CDKN2AIP: variants seen among roughly 807,000 people sequenced by gnomAD.
CDKN2AIP encodes CDKN2A interacting protein.
In CDKN2AIP, 12 loss-of-function variants were observed where a neutral mutation model predicts 44.1. That is an observed-to-expected ratio of 0.27 (90% confidence interval 0.17 to 0.44). CDKN2AIP has a LOEUF of 0.44. CDKN2AIP is among the 20% of genes least tolerant of loss of function. The pLI is 1.00. For missense variants in CDKN2AIP, 705 were observed against 681.6 expected (o/e 1.03, Z -0.38); for synonymous variants, 291 against 272.1 (o/e 1.07, Z -0.68).
intron 1 of CDKN2AIP, 191 bp downstream of exon 1, chr4:183,445,260 C>CTG: frequency 1.4e-6 from 1 of 705,142 alleles, no homozygotes; most frequent in Non-Finnish European, 2.3e-6. Context: ...TCCCGGACGT[C>CTG]TGTGTGCCCG....
Position 183,447,521 on chromosome 4 carries a change from A to G in CDKN2AIP, c.*94A>G. 1.1e-6 allele frequency: 1 copy of G among 906,026 alleles called. No individual in the cohort carries two copies. Among genetic ancestry groups the G allele is most frequent in the Non-Finnish European group, 1.6e-6 (1 of 608,346 alleles). 56.1% of individuals were successfully genotyped at this position (906,026 alleles called of 1,614,324 possible). A position where few individuals can be genotyped will look rare whatever the true frequency, so the allele number is the denominator to read the frequency against. On this transcript the variant is annotated 3_prime_UTR_variant, in exon 3 of 3. Coordinates refer to ENST00000504169, the MANE Select transcript of CDKN2AIP (RefSeq NM_017632.4). ...AAACACAGGCTTTCACAAATTTTGT[A>G]TTGCTTTTTTTCCAGTTTTGCAGAA...
chr4:183,445,205 C>T, intron 1 of CDKN2AIP, 136 bp downstream of exon 1: 1 of 1,123,690 alleles, frequency 8.9e-7, no homozygotes, highest in Non-Finnish European at 1.2e-6. Flanking sequence ...GGCCCGGCTG[C>T]CCTCTAAGGG....
rs145782483 is a variant in CDKN2AIP at position 183,446,487 on chromosome 4, C to T, written c.803C>T (p.Ser268Leu). 1.5e-5 allele frequency: 24 copies of T among 1,613,262 alleles called. No homozygotes were observed. The highest frequency in any genetic ancestry group is 1.9e-5 in the Non-Finnish European group (22 of 1,179,326). ...ACTGATTCTAGACAACAAAGTGGATCACCTAAAAAGAGTGCTTTGGAAGGC... is the reference window on the plus strand; with the variant it reads ...ACTGATTCTAGACAACAAAGTGGATTACCTAAAAAGAGTGCTTTGGAAGGC... ...QSTDSRQQSG[S>L]PKKSALEGSS... Residue 268 changes from serine to leucine, a missense_variant, in exon 3 of 3, where the codon TCA becomes TTA. This residue lies in a region of CDKN2AIP where 592 missense variants were observed against 518.0 expected (regional missense o/e 1.14). Transcript: ENST00000504169.
rs1733700449 is a variant in CDKN2AIP, at chr4:183,447,124, A to T, written c.1440A>T (p.Val480=). The part of the protein sequence containing the change: ...AIEALKATLD[V]FFVPLKELAD... ...AGGCTCTGAAAGCAACACTGGATGT[A>T]TTTTTTGTCCCACTAAAAGAATTGG... The change falls in exon 3 of 3, where the codon GTA becomes GTT. Residue 480 remains valine, a synonymous_variant. Coordinates refer to ENST00000504169, the MANE Select transcript of CDKN2AIP (RefSeq NM_017632.4). The T allele has an allele frequency of 6.2e-7, 1 of 1,614,072 alleles. No individual in the cohort carries two copies. The highest frequency in any genetic ancestry group is 8.5e-7 in the Non-Finnish European group (1 of 1,179,930).
rs1006375187 is a variant in CDKN2AIP at position 183,448,039 on chromosome 4, T to C, written c.*612T>C. The C allele has an allele frequency of 6.6e-6, 1 of 152,230 alleles. No individual in the cohort carries two copies. The highest frequency in any genetic ancestry group is 1.9e-4 in the East Asian group (1 of 5,206). The allele number at this position is 152,230 out of a possible 1,614,324, so 9.4% of individuals were successfully genotyped here. A position where few individuals can be genotyped will look rare whatever the true frequency, so the allele number is the denominator to read the frequency against. On this transcript the variant is annotated 3_prime_UTR_variant, in exon 3 of 3. Transcript: ENST00000504169. ...CCATGACTTTGACCGCTGAAGATTC[T>C]TTAAGCGGGTTAATTTATGTTTTGA...
chr4:183,445,943 G>T, intron 2 of CDKN2AIP, 145 bp from the exon 3 acceptor site: 1 of 719,250 alleles, frequency 1.4e-6, no homozygotes, highest in African/African-American at 1.8e-5. Context: ...ACTGTTTTAA[G>T]AAATTAATGA....
At position 183,447,630 on chromosome 4, in the gene CDKN2AIP, A is replaced by G. The variant is rs891491219; in HGVS notation, c.*203A>G. 1 of 410,068 alleles carries G rather than the reference A, an allele frequency of 2.4e-6. No homozygotes were observed. The highest frequency in any genetic ancestry group is 2.1e-5 in the African/African-American group (1 of 48,584). 25.4% of individuals were successfully genotyped at this position (410,068 alleles called of 1,614,324 possible). On this transcript the variant is annotated 3_prime_UTR_variant, in exon 3 of 3. Transcript: ENST00000504169. ...TACACATTAAAAGGTATGCATTAGC[A>G]GCATATTAGTATGCTGTTTTATTTG...
At position 183,446,129 on chromosome 4, in the gene CDKN2AIP, A is replaced by G. The variant is rs2111225828; in HGVS notation, c.445A>G (p.Lys149Glu). 1 of 1,613,234 alleles carries G rather than the reference A, an allele frequency of 6.2e-7. No individual in the cohort carries two copies. The highest frequency in any genetic ancestry group is 8.5e-7 in the Non-Finnish European group (1 of 1,179,710). The change falls in exon 3 of 3, where the codon AAA becomes GAA. Residue 149 changes from lysine (K) to glutamate (E), a missense_variant. Physicochemically the swap from Lys to Glu is moderately conservative, Grantham distance 56. This residue lies in a region of CDKN2AIP where 592 missense variants were observed against 518.0 expected (regional missense o/e 1.14). Coordinates refer to ENST00000504169, the MANE Select transcript of CDKN2AIP (RefSeq NM_017632.4). ...ATCCAAAAAACGAGTTATAGAAGGA[A>G]AAAACAGTTCTGCAGTTGAGCAAGA... ...EPSKKRVIEG[K>E]NSSAVEQDHA...
chr4:183,444,788 C>G lies in CDKN2AIP; in HGVS notation c.-10C>G. Reference sequence around the variant, plus strand: ...CCGGTGCAGCTGTGTTCGCGGCCTGCAGGCCCAACATGGCGCAGGAGGTGT... The same window carrying G: ...CCGGTGCAGCTGTGTTCGCGGCCTGGAGGCCCAACATGGCGCAGGAGGTGT... On this transcript the variant is annotated 5_prime_UTR_variant, in exon 1 of 3. Transcript: ENST00000504169. The G allele has an allele frequency of 9.9e-6, 15 of 1,518,330 alleles. No individual in the cohort carries two copies. Among genetic ancestry groups the G allele is most frequent in the Non-Finnish European group, 1.3e-5 (15 of 1,125,092 alleles). The allele number at this position is 1,518,330 out of a possible 1,614,324, so 94.1% of individuals were successfully genotyped here. A position where few individuals can be genotyped will look rare whatever the true frequency, so the allele number is the denominator to read the frequency against.
At chr4:183,445,181 C>A in intron 1 of CDKN2AIP, 112 bp downstream of exon 1, 2 of 1,329,908 alleles carry the variant, frequency 1.5e-6, no homozygotes, top group Non-Finnish European at 2.0e-6. Flanking sequence ...AGTTGTGAAG[C>A]GCGGGAATCC....
At chr4:183,445,513 A>G (rs778181086) in intron 1 of CDKN2AIP, 22 bp from the exon 2 acceptor site, 1 of 1,599,882 alleles carries the variant, frequency 6.3e-7, no homozygotes, top group Non-Finnish European at 8.6e-7. Flanking sequence ...CTTTTTAAAA[A>G]TGACTTTTCC....
Position 183,444,906 on chromosome 4 carries a change from G to C in CDKN2AIP, c.109G>C (p.Asp37His), listed in dbSNP as rs1733628841. ...TGACAAACACTGGCGCCACCGCCGG[G>C]ATTTTTTGCTTCGCAACGCCGGGGA... The part of the protein sequence containing the change: ...ETDKHWRHRR[D>H]FLLRNAGDLA... The change falls in exon 1 of 3, where the codon GAT (aspartate) becomes CAT (histidine). Residue 37 changes from aspartate (D) to histidine (H), a missense_variant. By Grantham distance (81) the Asp-to-His change is moderately conservative. This residue lies in a region of CDKN2AIP where 592 missense variants were observed against 518.0 expected (regional missense o/e 1.14). Coordinates refer to ENST00000504169, the MANE Select transcript of CDKN2AIP (RefSeq NM_017632.4). 6.2e-7 allele frequency: 1 copy of C among 1,609,870 alleles called. No individual in the cohort carries two copies. The highest frequency in any genetic ancestry group is 8.5e-7 in the Non-Finnish European group (1 of 1,178,456).
At position 183,444,832 on chromosome 4, in the gene CDKN2AIP, AC is replaced by A; in HGVS notation, c.38del (p.Pro13ArgfsTer97). 1 of 1,559,070 alleles carries A rather than the reference AC, an allele frequency of 6.4e-7. No individual in the cohort carries two copies. The highest frequency in any genetic ancestry group is 8.7e-7 in the Non-Finnish European group (1 of 1,150,848). Reference sequence around the variant, plus strand: ...GAGGTGTCGGAGTACCTGAGCCAGAACCCGCGGGTGGCAGCCTGGGTGGAGG... The same window carrying A: ...GAGGTGTCGGAGTACCTGAGCCAGAACCGCGGGTGGCAGCCTGGGTGGAGG... Reference protein sequence around the residue: ...AQEVSEYLSQNPRVAAWVEAL... With the variant: ...AQEVSEYLSQXPRVAAWVEAL... On this transcript the variant is annotated frameshift_variant, in exon 1 of 3. Coordinates refer to ENST00000504169, the MANE Select transcript of CDKN2AIP (RefSeq NM_017632.4). LOFTEE classifies it high-confidence loss of function.
Position 183,447,511 on chromosome 4 carries a change from C to A in CDKN2AIP, c.*84C>A. The A allele has an allele frequency of 1.0e-6, 1 of 976,568 alleles. No homozygotes were observed. Among genetic ancestry groups the A allele is most frequent in the Non-Finnish European group, 1.5e-6 (1 of 673,414 alleles). The allele number at this position is 976,568 out of a possible 1,614,324, so 60.5% of individuals were successfully genotyped here. ...GTATAGTATAAAACACAGGCTTTCA[C>A]AAATTTTGTATTGCTTTTTTTCCAG... On this transcript the variant is annotated 3_prime_UTR_variant, in exon 3 of 3. Transcript: ENST00000504169.
At position 183,445,554 on chromosome 4, in the gene CDKN2AIP, G is replaced by C. The variant is rs748434981; in HGVS notation, c.292G>C (p.Asp98His). The stretch of plus-strand genomic sequence containing the variant: ...TTTCAGATACCCTCAAAAAGTTATG[G>C]ATAAAATACTTAGTATGGCTGAAGG... ...LGCRYPQKVM[D>H]KILSMAEGIK... Residue 98 changes from aspartate (D) to histidine (H), a missense_variant, in exon 2 of 3, where the codon GAT (aspartate) becomes CAT (histidine). Around this residue, in one of 2 missense-constraint regions of CDKN2AIP, gnomAD observed 592 missense variants for 518.0 expected, o/e 1.14. Transcript: ENST00000504169. The C allele has an allele frequency of 2.4e-5, 39 of 1,611,180 alleles. No individual in the cohort carries two copies. The highest frequency in any genetic ancestry group is 3.0e-5 in the Non-Finnish European group (35 of 1,177,654).
At position 183,446,403 on chromosome 4, in the gene CDKN2AIP, G is replaced by A. The variant is rs746949845; in HGVS notation, c.719G>A (p.Gly240Asp). ...ASEAEAPDKH[G>D]SASFVSLLKS... ...GAAGCAGAAGCTCCAGATAAACACGGTTCTGCATCATTTGTTTCCTTGCTG... is the reference window on the plus strand; with the variant it reads ...GAAGCAGAAGCTCCAGATAAACACGATTCTGCATCATTTGTTTCCTTGCTG... Residue 240 changes from glycine (G) to aspartate (D), a missense_variant, in exon 3 of 3, where the codon GGT (glycine) becomes GAT (aspartate). Gly to Asp is a moderately conservative substitution (Grantham distance 94). Transcript: ENST00000504169. 10 of 1,546,386 alleles carry A rather than the reference G, an allele frequency of 6.5e-6. No individual in the cohort carries two copies. The highest frequency in any genetic ancestry group is 8.9e-6 in the Non-Finnish European group (10 of 1,128,694).
Position 183,447,667 on chromosome 4 carries a change from A to G in CDKN2AIP, c.*240A>G, listed in dbSNP as rs1733712439. ...TGCTGTTTTATTTGCTGAAGAAAAT[A>G]CTGTCTTCTATTTTTAATGATACAT... is the stretch of plus-strand genomic sequence containing the variant. On this transcript the variant is annotated 3_prime_UTR_variant, in exon 3 of 3. Coordinates refer to ENST00000504169, the MANE Select transcript of CDKN2AIP (RefSeq NM_017632.4). The G allele has an allele frequency of 3.1e-6, 1 of 322,316 alleles. No individual in the cohort carries two copies. The highest frequency in any genetic ancestry group is 2.1e-5 in the African/African-American group (1 of 46,732). The allele number at this position is 322,316 out of a possible 1,614,324, so 20.0% of individuals were successfully genotyped here.
Position 183,447,263 on chromosome 4 carries a change from G to T in CDKN2AIP, c.1579G>T (p.Ala527Ser). 1.2e-6 allele frequency: 2 copies of T among 1,612,362 alleles called. No individual in the cohort carries two copies. Among genetic ancestry groups the T allele is most frequent in the South Asian group, 1.1e-5 (1 of 90,600 alleles). ...AAGCAAAGAAAATGCAAAAGCAGTT[G>T]CATCAAGAGAAGCATTGAAGTTATT... ...GKSKENAKAV[A>S]SREALKLFLK... The change falls in exon 3 of 3, where the codon GCA becomes TCA. Residue 527 changes from alanine (A) to serine (S), a missense_variant. Around this residue, in one of 2 missense-constraint regions of CDKN2AIP, gnomAD observed 113 missense variants for 163.6 expected, o/e 0.69. Transcript: ENST00000504169.
In CDKN2AIP at chr4:183,445,568, T is replaced by C. The variant is rs1368362651; in HGVS notation, c.306T>C (p.Ser102=). The C allele has an allele frequency of 2.5e-6, 4 of 1,610,234 alleles. No individual in the cohort carries two copies. The highest frequency in any genetic ancestry group is 3.3e-4 in the Middle Eastern group (2 of 6,052). ...YPQKVMDKIL[S]MAEGIKVTDA... Reference sequence around the variant, plus strand: ...AAAAAGTTATGGATAAAATACTTAGTATGGCTGAAGGCATCAAAGTGACAG... The same window carrying C: ...AAAAAGTTATGGATAAAATACTTAGCATGGCTGAAGGCATCAAAGTGACAG... The change falls in exon 2 of 3, where the codon AGT becomes AGC. Residue 102 remains serine, a synonymous_variant. Coordinates refer to ENST00000504169, the MANE Select transcript of CDKN2AIP (RefSeq NM_017632.4).
Sources: gnomAD v4.1 joint callset for allele counts on GRCh38, gnomAD v4.1.1 for gene constraint, gnomAD v4.1.1 regional missense constraint, MANE v1.5 for transcripts, NCBI Gene and HGNC (gene_info 2026-07-23, HGNC 2026-07-21) for gene names.